CCDC73: variants seen among roughly 807,000 people sequenced by gnomAD.
CCDC73 encodes the protein coiled-coil domain containing 73.
Under a neutral mutation model 116.5 loss-of-function variants are expected in CCDC73, and 95 were observed. That is an observed-to-expected ratio of 0.82 (90% CI 0.69 to 0.97). The LOEUF (loss-of-function observed/expected upper bound fraction) is 0.97. Ranked by LOEUF, CCDC73 falls within the 50% of genes least tolerant of loss-of-function variation. The pLI is 0.00. For synonymous variants in CCDC73, 398 were observed against 401.3 expected (o/e 0.99, Z 0.10); for missense variants, 1,066 against 1,206.8 (o/e 0.88, Z 1.73).
chr11:32,746,294 T>C (rs7924685), intron 2 of CCDC73, among the ~76,000 whole-genome samples: 89,660 of 152,052 alleles, frequency 0.59, 26,752 homozygotes, highest in East Asian at 0.84. Flanking sequence ...CTGAGAGATC[T>C]GCTGTTAGTC....
At chr11:32,767,052 G>A (rs1193133598) in intron 1 of CCDC73, among the ~76,000 whole-genome samples, 16 of 152,066 alleles carry the variant, frequency 1.1e-4, no homozygotes, top group South Asian at 2.1e-4. Context: ...GAGGCATCAC[G>A]CTACCTGACT....
intron 1 of CCDC73, among the ~76,000 whole-genome samples, chr11:32,782,842 TA>T (rs1384307325): frequency 2.0e-5 from 3 of 151,572 alleles, no homozygotes; most frequent in Non-Finnish European, 4.4e-5. Flanking sequence ...AAAAATCCAA[TA>T]AAAGGATTAG....
At chr11:32,703,753 T>C (rs796120157) in intron 3 of CCDC73, among the ~76,000 whole-genome samples, 1 of 152,152 alleles carries the variant, frequency 6.6e-6, no homozygotes, top group South Asian at 2.1e-4. Flanking sequence ...AAAATCTACA[T>C]ATGATTCCAT....
intron 12 of CCDC73, among the ~76,000 whole-genome samples, chr11:32,651,930 C>T (rs909858220): frequency 5.9e-5 from 9 of 152,204 alleles, no homozygotes; most frequent in African/African-American, 2.2e-4. Flanking sequence ...TTGGACATCC[C>T]ATCACTTGGC....
chr11:32,666,559 T>C (rs1035276636), intron 9 of CCDC73, among the ~76,000 whole-genome samples: 18 of 152,190 alleles, frequency 1.2e-4, no homozygotes, highest in Admixed American at 2.0e-4. Flanking sequence ...TAGCCATTCA[T>C]CTCATCTTTT....
intron 14 of CCDC73, among the ~76,000 whole-genome samples, chr11:32,634,687 T>A (rs151021175): frequency 6.6e-6 from 1 of 152,170 alleles, no homozygotes; most frequent in Non-Finnish European, 1.5e-5. Context: ...AGAAAAAGCA[T>A]ACAGCATTTT....
intron 2 of CCDC73, among the ~76,000 whole-genome samples, chr11:32,732,025 G>A (rs968540174): frequency 6.6e-6 from 1 of 152,100 alleles, no homozygotes; most frequent in African/African-American, 2.4e-5. Context: ...CTTGAAAAAA[G>A]ATTGGACGAA....
Position 32,666,620 on chromosome 11 carries a change from C to T in CCDC73, c.645+8945G>A, listed in dbSNP as rs556014236. 2.4e-4 allele frequency among the ~76,000 whole-genome samples: 37 copies of T among 152,296 alleles called. No individual in the cohort carries two copies. In the East Asian group the frequency reaches 5.4e-3, roughly 22 times the overall value. On this transcript the variant is annotated intron_variant, in intron 9 of 17. Coordinates refer to ENST00000335185, the MANE Select transcript of CCDC73 (RefSeq NM_001008391.4). ...TGGGTTCGACCTTCCTCCTTTAGCT[C>T]GGAGAAGTTTGATTGTCTGAAGCCT... is the stretch of plus-strand genomic sequence containing the variant.
chr11:32,720,058 T>C (rs1470157775), intron 2 of CCDC73, among the ~76,000 whole-genome samples: 1 of 152,164 alleles, frequency 6.6e-6, no homozygotes, highest in Non-Finnish European at 1.5e-5. Context: ...TTATCAGACC[T>C]ATTTACCATA....
At chr11:32,779,699 C>T (rs374890120) in intron 1 of CCDC73, among the ~76,000 whole-genome samples, 18 of 152,108 alleles carry the variant, frequency 1.2e-4, no homozygotes, top group East Asian at 9.6e-4. Flanking sequence ...GAATGACAGA[C>T]GCACAGTTCA....
intron 2 of CCDC73, among the ~76,000 whole-genome samples, chr11:32,726,828 A>G (rs527985402): frequency 6.6e-5 from 10 of 152,326 alleles, no homozygotes; most frequent in African/African-American, 1.9e-4. Context: ...TAAAAGAAGT[A>G]TACTTCTAAG....
intron 6 of CCDC73, among the ~76,000 whole-genome samples, chr11:32,695,241 C>G (rs572115560): frequency 6.6e-6 from 1 of 151,880 alleles, no homozygotes; most frequent in South Asian, 2.1e-4. Flanking sequence ...TGGTGGCATG[C>G]GCCTGTAATC....
intron 1 of CCDC73, among the ~76,000 whole-genome samples, chr11:32,781,283 G>A (rs1345288511): frequency 6.6e-6 from 1 of 152,218 alleles, no homozygotes; most frequent in Non-Finnish European, 1.5e-5. Flanking sequence ...CCACTAAAAT[G>A]ACAGTGGTGA....
chr11:32,734,974 T>A, intron 2 of CCDC73, among the ~76,000 whole-genome samples: 1 of 152,164 alleles, frequency 6.6e-6, no homozygotes. Context: ...CAACAGCCTT[T>A]CATGCTAAAA....
intron 2 of CCDC73, among the ~76,000 whole-genome samples, chr11:32,746,511 T>C (rs1850241060): frequency 6.6e-6 from 1 of 152,232 alleles, no homozygotes; most frequent in Non-Finnish European, 1.5e-5. Flanking sequence ...GATAATATCC[T>C]GAAGAGTGTT....
chr11:32,692,545 T>C (rs1007498514), intron 6 of CCDC73, among the ~76,000 whole-genome samples: 5 of 152,142 alleles, frequency 3.3e-5, no homozygotes, highest in Non-Finnish European at 5.9e-5. Context: ...TGAAATAAAG[T>C]AATAAAATAG....
chr11:32,777,317 C>A lies in CCDC73; in HGVS notation c.-15-17059G>T, dbSNP rs113730784. Reference sequence around the variant, plus strand: ...ATGGCGTTTTGCCATGTTGGCCATGCTGGTCTTGAACTCCTGACCTCAAGT... The same window carrying A: ...ATGGCGTTTTGCCATGTTGGCCATGATGGTCTTGAACTCCTGACCTCAAGT... On this transcript the variant is annotated intron_variant, in intron 1 of 17. Coordinates refer to ENST00000335185, the MANE Select transcript of CCDC73 (RefSeq NM_001008391.4). Among the ~76,000 whole-genome samples the A allele has an allele frequency of 1.3e-3, 195 of 151,946 alleles. 1 individual carries two copies. Among genetic ancestry groups the A allele is most frequent in the Non-Finnish European group, 2.4e-3 (160 of 67,956 alleles).
chr11:32,748,844 C>T (rs1384165641), intron 2 of CCDC73, among the ~76,000 whole-genome samples: 1 of 151,940 alleles, frequency 6.6e-6, no homozygotes, highest in Non-Finnish European at 1.5e-5. Flanking sequence ...AGGGTAAAAC[C>T]TTTTTTCCTT....
Position 32,710,419 on chromosome 11 carries a change from T to C in CCDC73, c.208-7475A>G, listed in dbSNP as rs888611273. On this transcript the variant is annotated intron_variant, in intron 3 of 17. Coordinates refer to ENST00000335185, the MANE Select transcript of CCDC73 (RefSeq NM_001008391.4). Reference sequence around the variant, plus strand: ...ATTCAGTTCAAAGAATTTTTAAATTTCCATCTTGATTTCATTGTTGACCCA... The same window carrying C: ...ATTCAGTTCAAAGAATTTTTAAATTCCCATCTTGATTTCATTGTTGACCCA... Among the ~76,000 whole-genome samples the C allele has an allele frequency of 1.1e-4, 16 of 152,192 alleles. No individual in the cohort carries two copies. The East Asian group carries it at 3.1e-3, about 29-fold the overall frequency.
Sources: allele counts gnomAD v4.1 joint callset (sites outside exome capture counted in the v4.1 genomes callset), GRCh38; gene constraint gnomAD v4.1.1; transcripts MANE v1.5; gene names NCBI Gene and HGNC (gene_info 2026-07-23, HGNC 2026-07-21).